The following STPG2 variants were observed in gnomAD, a reference collection of about 807,000 sequenced individuals.
STPG2 encodes the protein sperm-tail PG-rich repeat-containing protein 2.
STPG2 carries 56 observed loss-of-function variants against 54.2 expected under a neutral mutation model. The ratio of observed to expected loss-of-function variants is 1.03; its 90% CI spans 0.83 to 1.29. The LOEUF (loss-of-function observed/expected upper bound fraction) is 1.29. Among genes scored for constraint, STPG2 ranks in the 50% most tolerant of loss-of-function variants. STPG2 has a pLI of 0.00. For missense variants in STPG2, 596 were observed against 544.9 expected, an observed-to-expected ratio of 1.09 and a Z score of -0.93; for synonymous variants, 200 against 181.8, an observed-to-expected ratio of 1.10 and a Z score of -0.81.
intron 4 of STPG2, among the ~76,000 whole-genome samples, chr4:97,484,443 C>T (rs1449824251): frequency 6.6e-6 from 1 of 151,580 alleles, no homozygotes. Context: ...CTTTTACGCA[C>T]ATCAAGTAGA....
chr4:98,088,399 T>C (rs1183459900), intron 5 of STPG2, among the ~76,000 whole-genome samples: 1 of 152,132 alleles, frequency 6.6e-6, no homozygotes, highest in Non-Finnish European at 1.5e-5. Context: ...TCTAATTGTT[T>C]CCTGTATGTG....
intron 4 of STPG2, among the ~76,000 whole-genome samples, chr4:97,522,026 T>TA (rs1731190752): frequency 6.6e-6 from 1 of 151,872 alleles, no homozygotes; most frequent in South Asian, 2.1e-4. Flanking sequence ...CCAAAGTAAA[T>TA]ATGCTTTAAA....
At chr4:97,523,855 T>C (rs554390116) in intron 4 of STPG2, among the ~76,000 whole-genome samples, 1 of 150,722 alleles carries the variant, frequency 6.6e-6, no homozygotes, top group Non-Finnish European at 1.5e-5. Context: ...CAAATAAATA[T>C]CTATTATTAC....
chr4:97,737,553 A>G (rs571005452), intron 9 of STPG2, among the ~76,000 whole-genome samples: 1 of 152,320 alleles, frequency 6.6e-6, no homozygotes, highest in Admixed American at 6.5e-5. Context: ...CTCGAGAACT[A>G]CGTGAAGAAT....
At chr4:97,730,922 G>A (rs1724775784) in intron 9 of STPG2, among the ~76,000 whole-genome samples, 1 of 152,078 alleles carries the variant, frequency 6.6e-6, no homozygotes, top group African/African-American at 2.4e-5. Flanking sequence ...CATTTTATTA[G>A]CTTCCTTGGA....
chr4:97,515,939 A>G (rs1035023298), intron 4 of STPG2, among the ~76,000 whole-genome samples: 2 of 152,104 alleles, frequency 1.3e-5, no homozygotes, highest in African/African-American at 2.4e-5. Flanking sequence ...TTTCAGCCCA[A>G]TTAAAGAGAT....
At chr4:97,800,953 G>A (rs1014399397) in intron 9 of STPG2, among the ~76,000 whole-genome samples, 10 of 152,200 alleles carry the variant, frequency 6.6e-5, no homozygotes, top group Admixed American at 2.0e-4. Flanking sequence ...CAATGAGCAA[G>A]GCTCCGTGGG....
At chr4:97,876,270 A>C (rs1430784517) in intron 8 of STPG2, among the ~76,000 whole-genome samples, 1 of 152,130 alleles carries the variant, frequency 6.6e-6, no homozygotes, top group African/African-American at 2.4e-5. Context: ...AATGCACATT[A>C]GAAAATTGTT....
intron 10 of STPG2, among the ~76,000 whole-genome samples, chr4:97,667,884 C>A (rs563498457): frequency 6.6e-6 from 1 of 152,186 alleles, no homozygotes; most frequent in East Asian, 1.9e-4. Context: ...GATACAATGG[C>A]AAGATTGCTC....
At chr4:98,085,198 T>C (rs1284177717) in intron 5 of STPG2, among the ~76,000 whole-genome samples, 1 of 152,096 alleles carries the variant, frequency 6.6e-6, no homozygotes, top group African/African-American at 2.4e-5. Flanking sequence ...GCAAAGACTT[T>C]CCATCCTCTT....
chr4:97,852,538 G>A (rs1729193618), intron 8 of STPG2, among the ~76,000 whole-genome samples: 1 of 152,156 alleles, frequency 6.6e-6, no homozygotes, highest in African/African-American at 2.4e-5. Context: ...GAGACGAATT[G>A]TAGAACTATT....
chr4:97,776,452 C>T (rs77160027), intron 9 of STPG2, among the ~76,000 whole-genome samples: 2,499 of 152,268 alleles, frequency 0.016, 78 homozygotes, highest in African/African-American at 0.057. Context: ...TCTCCTTTAA[C>T]TTATTTTCCA....
At chr4:97,689,370 T>A (rs1723293331) in intron 10 of STPG2, among the ~76,000 whole-genome samples, 1 of 152,134 alleles carries the variant, frequency 6.6e-6, no homozygotes, top group African/African-American at 2.4e-5. Flanking sequence ...AACTGTCATA[T>A]ATACAGGAAG....
intron 5 of STPG2, among the ~76,000 whole-genome samples, chr4:98,069,778 A>G (rs1391844304): frequency 6.6e-6 from 1 of 152,088 alleles, no homozygotes; most frequent in Non-Finnish European, 1.5e-5. Context: ...CTCAGATAGT[A>G]AATATAGAGA....
At position 98,002,299 on chromosome 4, in the gene STPG2, A is replaced by T. The variant is rs892948371; in HGVS notation, c.613-20981T>A. 2.6e-5 allele frequency among the ~76,000 whole-genome samples: 4 copies of T among 152,024 alleles called. No homozygotes were observed. In the South Asian group the frequency reaches 8.3e-4, roughly 31 times the overall value. On this transcript the variant is annotated intron_variant, in intron 5 of 10. Transcript: ENST00000295268. ...GGTAATAAGAATACTGAGTGACATC[A>T]AATAATACCTGATAGCGTAAAAAGA...
rs893559941 is a variant in STPG2, at chr4:98,068,246, T to C, written c.612+37707A>G. On this transcript the variant is annotated intron_variant, in intron 5 of 10. Coordinates refer to ENST00000295268, the MANE Select transcript of STPG2 (RefSeq NM_174952.3). ...GAGATCTCAGTTCAAACATCACTTC[T>C]AAAGAAGAGCTTTCTTTTCCTTTTC... is the stretch of plus-strand genomic sequence containing the variant. Among the ~76,000 whole-genome samples the C allele has an allele frequency of 2.6e-5, 4 of 152,276 alleles. No individual in the cohort carries two copies. In the South Asian group the frequency reaches 8.3e-4, roughly 32 times the overall value.
At chr4:98,022,137 T>A (rs1443535212) in intron 5 of STPG2, among the ~76,000 whole-genome samples, 2 of 152,268 alleles carry the variant, frequency 1.3e-5, no homozygotes, top group East Asian at 3.9e-4. Context: ...ATTTGGCATG[T>A]TTTTGCAGTG....
intron 8 of STPG2, among the ~76,000 whole-genome samples, chr4:97,843,010 C>T (rs774631081): frequency 5.3e-5 from 8 of 151,772 alleles, no homozygotes; most frequent in Non-Finnish European, 1.0e-4. Flanking sequence ...TAAACAACAC[C>T]TATATACCAT....
At chr4:98,089,512 T>G (rs553394447) in intron 5 of STPG2, among the ~76,000 whole-genome samples, 1 of 152,100 alleles carries the variant, frequency 6.6e-6, no homozygotes, top group East Asian at 1.9e-4. Flanking sequence ...ACTAAAAACA[T>G]GCATGTGCAT....
Sources: allele counts gnomAD v4.1 joint callset (sites outside exome capture counted in the v4.1 genomes callset), GRCh38; gene constraint gnomAD v4.1.1; transcripts MANE v1.5; gene names NCBI Gene and HGNC (gene_info 2026-07-23, HGNC 2026-07-21).